The following KHDRBS1 variants were observed in gnomAD, a reference collection of about 807,000 sequenced individuals.
The protein encoded by KHDRBS1 is KH RNA binding domain containing, signal transduction associated 1.
KHDRBS1 carries 7 observed loss-of-function variants against 48.4 expected under a neutral mutation model. That is an observed-to-expected ratio of 0.14 (90% confidence interval 0.08 to 0.27). KHDRBS1 has a LOEUF of 0.27. KHDRBS1 is among the 10% of genes least tolerant of loss of function. The probability of loss-of-function intolerance (pLI) is 1.00; values close to 1 mark genes in which losing one functional copy is unlikely to be tolerated. For missense variants in KHDRBS1, 458 were observed against 601.2 expected, an observed-to-expected ratio of 0.76 and a Z score of 2.49; for synonymous variants, 241 against 235.8, an observed-to-expected ratio of 1.02 and a Z score of -0.20.
rs1189589802 is a variant in KHDRBS1, at chr1:32,013,950, C to T, written c.-46C>T. On this transcript the variant is annotated 5_prime_UTR_variant, in exon 1 of 9. Coordinates refer to ENST00000327300, the MANE Select transcript of KHDRBS1 (RefSeq NM_006559.3). ...CGCCAACCGCCGCTCGGGCCTCCGT[C>T]GCTGCCGCGTCGCTTTCTCGCTCCT... The T allele has an allele frequency of 4.3e-6, 6 of 1,397,480 alleles. No homozygotes were observed. The South Asian group carries it at 4.6e-5, about 11-fold the overall frequency. 86.6% of individuals were successfully genotyped at this position (1,397,480 alleles called of 1,614,324 possible).
intron 1 of KHDRBS1, among the ~76,000 whole-genome samples, chr1:32,018,942 G>A (rs1239726658): frequency 2.0e-5 from 3 of 151,420 alleles, no homozygotes; most frequent in Non-Finnish European, 4.4e-5. Context: ...GTGGTGGCAC[G>A]TGCCTGTAAT....
At chr1:32,018,758 A>AAAAC (rs543759442) in intron 1 of KHDRBS1, among the ~76,000 whole-genome samples, 226 of 150,352 alleles carry the variant, frequency 1.5e-3, no homozygotes, top group African/African-American at 5.2e-3. Flanking sequence ...CTCCGTCTCA[A>AAAAC]AAACAAACAA....
rs776811439 is a variant in KHDRBS1 at position 32,038,638 on chromosome 1, G to T, written c.1175+19G>T. 1 of 1,612,934 alleles carries T rather than the reference G, an allele frequency of 6.2e-7. No individual in the cohort carries two copies. Among genetic ancestry groups the T allele is most frequent in the African/African-American group, 1.3e-5 (1 of 74,888 alleles). On this transcript the variant is annotated intron_variant, in intron 7 of 8. Transcript: ENST00000327300. Reference sequence around the variant, plus strand: ...GTCAAGGGTGAGTCAGGCAGTATAAGCACTGTTTTTTGTCCTGAGGATGGA... The same window carrying T: ...GTCAAGGGTGAGTCAGGCAGTATAATCACTGTTTTTTGTCCTGAGGATGGA...
At chr1:32,049,979 A>G (rs957581409) in intron 10 of KHDRBS1, among the ~76,000 whole-genome samples, 1 of 152,120 alleles carries the variant, frequency 6.6e-6, no homozygotes, top group African/African-American at 2.4e-5. Context: ...TTTTTTAGGA[A>G]CTGCCAAATT....
At chr1:32,038,739 TCTC>T in intron 7 of KHDRBS1, 120 bp downstream of exon 7, 3 of 880,442 alleles carry the variant, frequency 3.4e-6, no homozygotes, top group South Asian at 1.5e-5. Context: ...TTTGAGGGTA[TCTC>T]CTCTGCAACC....
chr1:32,035,485 A>G (rs1390063113), intron 4 of KHDRBS1, among the ~76,000 whole-genome samples: 2 of 152,254 alleles, frequency 1.3e-5, no homozygotes, highest in Admixed American at 1.3e-4. Flanking sequence ...AGGAAGTGTG[A>G]AAAGATTTGC....
At chr1:32,058,930 G>A (rs1336819500) in intron 10 of KHDRBS1, among the ~76,000 whole-genome samples, 1 of 152,080 alleles carries the variant, frequency 6.6e-6, no homozygotes, top group Non-Finnish European at 1.5e-5. Context: ...ACCGAGGTGG[G>A]CGGATCACCT....
At chr1:32,057,326 G>A (rs2124403186) in intron 10 of KHDRBS1, among the ~76,000 whole-genome samples, 1 of 152,118 alleles carries the variant, frequency 6.6e-6, no homozygotes, top group East Asian at 1.9e-4. Context: ...ACTATAGGCA[G>A]GTGGCTAATT....
At chr1:32,027,919 C>A (rs998825442) in intron 1 of KHDRBS1, among the ~76,000 whole-genome samples, 2 of 152,128 alleles carry the variant, frequency 1.3e-5, no homozygotes, top group South Asian at 4.1e-4. Flanking sequence ...TCGAGACCAG[C>A]CCAGCCAACA....
At chr1:32,016,850 A>G (rs1638749942) in intron 1 of KHDRBS1, among the ~76,000 whole-genome samples, 1 of 152,176 alleles carries the variant, frequency 6.6e-6, no homozygotes, top group South Asian at 2.1e-4. Context: ...TCTTTTGTCT[A>G]CTTTGTTCAC....
chr1:32,021,656 A>C (rs1638860941), intron 1 of KHDRBS1, among the ~76,000 whole-genome samples: 1 of 152,104 alleles, frequency 6.6e-6, no homozygotes, highest in East Asian at 1.9e-4. Flanking sequence ...TCACTATGTC[A>C]CTCAGGCTGG....
chr1:32,053,074 G>A (rs1639442739), intron 10 of KHDRBS1, among the ~76,000 whole-genome samples: 2 of 152,114 alleles, frequency 1.3e-5, no homozygotes, highest in Admixed American at 1.3e-4. Flanking sequence ...GATCTCTTGA[G>A]CCCAGGAGGT....
intron 1 of KHDRBS1, among the ~76,000 whole-genome samples, chr1:32,017,521 A>G (rs1392979894): frequency 1.3e-5 from 2 of 151,932 alleles, no homozygotes; most frequent in Non-Finnish European, 2.9e-5. Context: ...TCTGGAAGAG[A>G]AATAATTTAC....
intron 10 of KHDRBS1, among the ~76,000 whole-genome samples, chr1:32,049,020 C>T (rs1639386513): frequency 1.3e-5 from 2 of 150,876 alleles, no homozygotes; most frequent in Admixed American, 1.3e-4. Context: ...AATAAGTGGT[C>T]TTCTGTGACT....
At chr1:32,055,299 T>A (rs937734840) in intron 10 of KHDRBS1, among the ~76,000 whole-genome samples, 4 of 151,984 alleles carry the variant, frequency 2.6e-5, no homozygotes, top group African/African-American at 9.7e-5. Context: ...AATACAAAAA[T>A]TAGCCGGACG....
At chr1:32,031,791 C>A in intron 3 of KHDRBS1, 151 bp downstream of exon 3, 1 of 490,150 alleles carries the variant, frequency 2.0e-6, no homozygotes, top group African/African-American at 2.0e-5. Context: ...GATTATACAC[C>A]AAGTTAATTT....
At chr1:32,052,073 C>T (rs1639428626) in intron 10 of KHDRBS1, among the ~76,000 whole-genome samples, 1 of 152,138 alleles carries the variant, frequency 6.6e-6, no homozygotes, top group Non-Finnish European at 1.5e-5. Context: ...AAATAGGCAG[C>T]TTTGTTTGGC....
At chr1:32,048,919 C>G (rs564627207) in intron 10 of KHDRBS1, among the ~76,000 whole-genome samples, 1 of 152,084 alleles carries the variant, frequency 6.6e-6, no homozygotes, top group Admixed American at 6.5e-5. Context: ...CTAAAGATGA[C>G]AAGGGTTTAG....
chr1:32,030,001 T>G (rs1639050977), intron 1 of KHDRBS1, among the ~76,000 whole-genome samples: 3 of 152,222 alleles, frequency 2.0e-5, no homozygotes, highest in African/African-American at 7.2e-5. Context: ...TTTATTCTCC[T>G]TTCCCCCATC....
Sources: gnomAD v4.1 joint callset for allele counts (sites outside exome capture counted in the v4.1 genomes callset) on GRCh38, gnomAD v4.1.1 for gene constraint, MANE v1.5 for transcripts, NCBI Gene and HGNC (gene_info 2026-07-23, HGNC 2026-07-21) for gene names.